Variants in MBNL2 observed in about 807,000 individuals in gnomAD.
MBNL2 encodes the protein muscleblind like splicing regulator 2.
MBNL2 carries 17 observed loss-of-function variants against 41.9 expected under a neutral mutation model. The ratio of observed to expected loss-of-function variants is 0.41; its 90% CI spans 0.28 to 0.61. The LOEUF is 0.61. MBNL2 is among the 20% of genes least tolerant of loss of function. The pLI, the probability that MBNL2 is intolerant of heterozygous loss-of-function variation, is 0.35. For synonymous variants in MBNL2, 195 were observed against 182.9 expected, an observed-to-expected ratio of 1.07 and a Z score of -0.53; for missense variants, 336 against 505.6, an observed-to-expected ratio of 0.66 and a Z score of 3.22.
chr13:97,184,734 C>T, the MBNL2 span, among the ~76,000 whole-genome samples: 7 of 152,152 alleles, frequency 4.6e-5, no homozygotes, highest in South Asian at 6.2e-4. Context: ...ACCTAGAATC[C>T]GAGCACTTTG....
At chr13:97,386,643 A>G (rs1007519162) in intron 8 of MBNL2, among the ~76,000 whole-genome samples, 2 of 152,222 alleles carry the variant, frequency 1.3e-5, no homozygotes, top group African/African-American at 4.8e-5. Context: ...ATGGCTGCTC[A>G]TAACATATTT....
the MBNL2 span, among the ~76,000 whole-genome samples, chr13:97,162,360 A>G: frequency 6.6e-6 from 1 of 152,212 alleles, no homozygotes; most frequent in Non-Finnish European, 1.5e-5. Context: ...GAGACGGCTT[A>G]CTGGATTGCA....
At position 97,366,879 on chromosome 13, in the gene MBNL2, C is replaced by T. The variant is rs1045767474; in HGVS notation, c.1048+1708C>T. Among the ~76,000 whole-genome samples the T allele has an allele frequency of 1.1e-4, 16 of 152,170 alleles. No homozygotes were observed. The highest frequency in any genetic ancestry group is 5.9e-4 in the Admixed American group (9 of 15,292). ...AATGGCCACATAAAAATTGTAGACG[C>T]GCACCCATGGGTGCTTCAAAACTGG... On this transcript the variant is annotated intron_variant, in intron 8 of 8. Coordinates refer to ENST00000679496, the MANE Select transcript of MBNL2 (RefSeq NM_001382683.1). This position sits in a 1 kb window ranked among gnomAD's most constrained non-coding sequence, Gnocchi z 4.7.
rs533182262 is a variant in MBNL2, at chr13:97,237,843, G to A, written c.-605+15312G>A. 3.3e-5 allele frequency among the ~76,000 whole-genome samples: 5 copies of A among 152,308 alleles called. No homozygotes were observed. The South Asian group carries it at 8.3e-4, about 25-fold the overall frequency. ...ATGCTTTAGAGAGATAATTCCGTGA[G>A]CAGAGTTTAGACCTGAGAATTGCAG... On this transcript the variant is annotated intron_variant, in intron 1 of 8. Transcript: ENST00000679496.
chr13:97,204,776 TGTC>T, the MBNL2 span, among the ~76,000 whole-genome samples: 4 of 152,088 alleles, frequency 2.6e-5, no homozygotes, highest in Non-Finnish European at 5.9e-5. Context: ...TCAATGTAAT[TGTC>T]GTCTATTAGG....
intron 8 of MBNL2, among the ~76,000 whole-genome samples, chr13:97,369,052 A>G (rs7335585): frequency 0.37 from 56,323 of 151,974 alleles, 10,486 homozygotes; most frequent in African/African-American, 0.39. Context: ...GCTTGCAGAT[A>G]AAAACCATGG....
At chr13:97,294,795 A>G (rs1466488560) in intron 2 of MBNL2, among the ~76,000 whole-genome samples, 1 of 152,244 alleles carries the variant, frequency 6.6e-6, no homozygotes, top group South Asian at 2.1e-4. Flanking sequence ...CAAATAAGGC[A>G]CAAAGACTAT....
chr13:97,156,407 C>G, the MBNL2 span, among the ~76,000 whole-genome samples: 1 of 146,040 alleles, frequency 6.8e-6, no homozygotes, highest in Non-Finnish European at 1.5e-5. Flanking sequence ...TAATTAGATC[C>G]CATTTGTCAA....
chr13:97,266,847 G>T (rs973993963), intron 1 of MBNL2, among the ~76,000 whole-genome samples: 4 of 152,114 alleles, frequency 2.6e-5, no homozygotes, highest in African/African-American at 9.7e-5. Flanking sequence ...AGAATTAAAG[G>T]CATCCTATAA....
At chr13:97,355,149 G>A (rs1233044545) in intron 5 of MBNL2, among the ~76,000 whole-genome samples, 1 of 152,096 alleles carries the variant, frequency 6.6e-6, no homozygotes, top group Non-Finnish European at 1.5e-5. Context: ...TGTTTTTAAC[G>A]TTCACAATTG....
intron 2 of MBNL2, among the ~76,000 whole-genome samples, chr13:97,329,545 G>A (rs117068552): frequency 3.3e-4 from 39 of 117,598 alleles, no homozygotes; most frequent in Admixed American, 8.1e-4. Context: ...AGAGAGCTGC[G>A]TGCCTGCCCC....
the MBNL2 span, among the ~76,000 whole-genome samples, chr13:97,197,848 T>C: frequency 6.6e-6 from 1 of 152,208 alleles, no homozygotes; most frequent in Non-Finnish European, 1.5e-5. Context: ...TTTGTGGTTG[T>C]TTTTATTTAT....
At chr13:97,193,421 T>G in the MBNL2 span, among the ~76,000 whole-genome samples, 1 of 152,188 alleles carries the variant, frequency 6.6e-6, no homozygotes, top group Non-Finnish European at 1.5e-5. Context: ...GGACTTGGCT[T>G]CCACTGAGAT....
chr13:97,387,591 C>A (rs1172247801), intron 8 of MBNL2, among the ~76,000 whole-genome samples: 1 of 152,228 alleles, frequency 6.6e-6, no homozygotes, highest in African/African-American at 2.4e-5. Context: ...CACAGCCATG[C>A]TCTTTGGAAC....
chr13:97,218,888 A>T (rs1044054477), upstream of MBNL2, among the ~76,000 whole-genome samples: 6 of 151,684 alleles, frequency 4.0e-5, no homozygotes, highest in African/African-American at 1.5e-4. Flanking sequence ...TGCCACGAAC[A>T]TACTAGATTA....
At chr13:97,230,037 C>T (rs1028204640) in intron 1 of MBNL2, among the ~76,000 whole-genome samples, 2 of 152,200 alleles carry the variant, frequency 1.3e-5, no homozygotes, top group Non-Finnish European at 2.9e-5. Flanking sequence ...GTGGCTCACG[C>T]CTGTAATCCC....
At chr13:97,276,909 T>A (rs959641711) in intron 2 of MBNL2, among the ~76,000 whole-genome samples, 1 of 152,138 alleles carries the variant, frequency 6.6e-6, no homozygotes, top group African/African-American at 2.4e-5. Context: ...CGCTCAATAC[T>A]CAATACTTGA....
chr13:97,329,169 T>C (rs2060161639), intron 2 of MBNL2, among the ~76,000 whole-genome samples: 1 of 152,178 alleles, frequency 6.6e-6, no homozygotes, highest in Admixed American at 6.5e-5. Context: ...TTAATTCAGC[T>C]TGAGGTTCGA....
In MBNL2 at chr13:97,348,096, T is replaced by TTTA. The variant is rs1209408137; in HGVS notation, c.804+1029_804+1030insTTA. ...GGGATTTTTTTTTTTTTTTTTTTTTTAAGACAAGGTCTCTGTCACCCAGGC... is the reference window on the plus strand; with the variant it reads ...GGGATTTTTTTTTTTTTTTTTTTTTTTTAAAGACAAGGTCTCTGTCACCCAGGC... On this transcript the variant is annotated intron_variant, in intron 5 of 8. Coordinates refer to ENST00000679496, the MANE Select transcript of MBNL2 (RefSeq NM_001382683.1). 2.1e-3 allele frequency among the ~76,000 whole-genome samples: 291 copies of TTTA among 137,468 alleles called. 1 individual carries two copies. Among genetic ancestry groups the TTTA allele is most frequent in the African/African-American group, 8.2e-3 (279 of 33,862 alleles). The allele number at this position is 137,468 out of a possible 152,430, so 90.2% of individuals were successfully genotyped here.
Sources: allele counts gnomAD v4.1 joint callset (sites outside exome capture counted in the v4.1 genomes callset), GRCh38; gene constraint gnomAD v4.1.1; non-coding constraint Gnocchi (gnomAD v3.1); transcripts MANE v1.5; gene names NCBI Gene and HGNC (gene_info 2026-07-23, HGNC 2026-07-21).